The following SEC14L5 variants were observed in gnomAD, a reference collection of about 807,000 sequenced individuals.
SEC14L5 encodes the protein SEC14-like protein 5.
SEC14L5 carries 96 observed loss-of-function variants against 84.6 expected under a neutral mutation model. The observed-to-expected ratio is 1.13, with a 90% CI of 0.96 to 1.34. SEC14L5 has a LOEUF of 1.34. SEC14L5 is among the 40% of genes most tolerant of loss of function. The pLI, the probability that SEC14L5 is intolerant of heterozygous loss-of-function variation, is 0.00. For synonymous variants in SEC14L5, 546 were observed against 383.4 expected, an observed-to-expected ratio of 1.42 and a Z score of -4.95; for missense variants, 1,224 against 942.5, an observed-to-expected ratio of 1.30 and a Z score of -3.91.
At chr16:4,959,860 C>T (rs752658867) in intron 2 of SEC14L5, among the ~76,000 whole-genome samples, 90 of 152,182 alleles carry the variant, frequency 5.9e-4, no homozygotes, top group Non-Finnish European at 7.1e-4. Flanking sequence ...GAAGGGATGA[C>T]ACTAAGTTCT....
chr16:5,000,844 C>T lies in SEC14L5; in HGVS notation c.1060-11C>T, dbSNP rs1429371279. On this transcript the variant is annotated splice_polypyrimidine_tract_variant and intron_variant, in intron 9 of 15. Transcript: ENST00000251170. The stretch of plus-strand genomic sequence containing the variant: ...AGGCGGACGTTGAGCAGCACTGTCT[C>T]TCCCTTCCAGGTTCTCTCCGTCAAC... 1 of 1,599,088 alleles carries T rather than the reference C, an allele frequency of 6.3e-7. No homozygotes were observed. Among genetic ancestry groups the T allele is most frequent in the African/African-American group, 1.3e-5 (1 of 74,754 alleles).
At position 5,008,561 on chromosome 16, in the gene SEC14L5, G is replaced by C; in HGVS notation, c.1713G>C (p.Gly571=). ...GGGAACCGGGGACCAGGGCCAGCGG[G>C]CAGCTGATCGACAAAGGCTGGGTCC... The part of the protein sequence containing the change: ...GAREPGTRAS[G]QLIDKGWVLG... Residue 571 remains glycine, a synonymous_variant, in exon 14 of 16, where the codon GGG becomes GGC. Coordinates refer to ENST00000251170, the MANE Select transcript of SEC14L5 (RefSeq NM_014692.2). 1 of 1,608,444 alleles carries C rather than the reference G, an allele frequency of 6.2e-7. No individual in the cohort carries two copies. Among genetic ancestry groups the C allele is most frequent in the Non-Finnish European group, 8.5e-7 (1 of 1,177,998 alleles).
Position 5,000,955 on chromosome 16 carries a change from C to T in SEC14L5, c.1130+30C>T, listed in dbSNP as rs760606854. ...ACACCTGGGCTGGGCACAAATCCCC[C>T]CTAAACAGCAAAGACGGAGGGTGGA... is the stretch of plus-strand genomic sequence containing the variant. On this transcript the variant is annotated intron_variant, in intron 10 of 15. Coordinates refer to ENST00000251170, the MANE Select transcript of SEC14L5 (RefSeq NM_014692.2). 18 of 1,560,672 alleles carry T rather than the reference C, an allele frequency of 1.2e-5. No homozygotes were observed. The Middle Eastern group carries it at 1.3e-3, about 111-fold the overall frequency.
chr16:4,962,686 C>CAAA (rs761644374), intron 2 of SEC14L5, among the ~76,000 whole-genome samples: 5,320 of 80,590 alleles, frequency 0.066, 282 homozygotes, highest in Admixed American at 0.11. Context: ...AACTCTGTCT[C>CAAA]AAAAAAAAAA....
At chr16:5,004,000 G>A (rs1206007027) in intron 11 of SEC14L5, among the ~76,000 whole-genome samples, 1 of 152,198 alleles carries the variant, frequency 6.6e-6, no homozygotes, top group Non-Finnish European at 1.5e-5. Context: ...ATACACCCAC[G>A]CCCACACACA....
chr16:5,008,355 C>G, intron 13 of SEC14L5, 66 bp from the exon 14 acceptor site: 1 of 1,210,328 alleles, frequency 8.3e-7, no homozygotes, highest in Non-Finnish European at 1.2e-6. Flanking sequence ...CCTCCTGCCA[C>G]TGTGTTCCCC....
At chr16:4,993,756 A>G (rs942299813) in intron 6 of SEC14L5, among the ~76,000 whole-genome samples, 1 of 152,224 alleles carries the variant, frequency 6.6e-6, no homozygotes, top group African/African-American at 2.4e-5. Context: ...AGATTTAACC[A>G]TTAGGCTTCC....
intron 6 of SEC14L5, among the ~76,000 whole-genome samples, chr16:4,994,263 ACT>A (rs1402946578): frequency 1.3e-5 from 2 of 152,146 alleles, no homozygotes; most frequent in Non-Finnish European, 2.9e-5. Flanking sequence ...GACTTCCCTA[ACT>A]CTGACACACT....
intron 10 of SEC14L5, among the ~76,000 whole-genome samples, chr16:5,001,735 C>G (rs1262320989): frequency 6.6e-6 from 1 of 152,102 alleles, no homozygotes; most frequent in East Asian, 1.9e-4. Context: ...CCAAAGGCAG[C>G]AAACCTTTCT....
intron 15 of SEC14L5, among the ~76,000 whole-genome samples, chr16:5,012,675 T>G (rs1023516565): frequency 2.0e-5 from 3 of 152,000 alleles, no homozygotes; most frequent in Non-Finnish European, 4.4e-5. Context: ...GAAGCCGAGG[T>G]GGGTGGATCA....
At chr16:5,003,347 T>G in intron 10 of SEC14L5, 55 bp from the exon 11 acceptor site, 8 of 1,410,224 alleles carry the variant, frequency 5.7e-6, no homozygotes, top group Non-Finnish European at 8.0e-6. Context: ...GGGAGGGTGT[T>G]GGTGGCCTTG....
chr16:4,970,962 G>T (rs925188722), intron 2 of SEC14L5, among the ~76,000 whole-genome samples: 11 of 152,258 alleles, frequency 7.2e-5, no homozygotes, highest in African/African-American at 2.6e-4. Context: ...ACAAAAATTA[G>T]CTGGGCGTGA....
intron 5 of SEC14L5, 140 bp from the exon 6 acceptor site, chr16:4,991,698 G>C: frequency 1.9e-6 from 1 of 526,784 alleles, no homozygotes. Flanking sequence ...TCTCCATCCC[G>C]ACCAGACACA....
At chr16:4,983,024 A>G (rs1381836933) in intron 2 of SEC14L5, among the ~76,000 whole-genome samples, 1 of 152,098 alleles carries the variant, frequency 6.6e-6, no homozygotes, top group East Asian at 1.9e-4. Flanking sequence ...TTATTTTGAG[A>G]TGGAGCCTGG....
At chr16:4,979,548 C>A (rs762152869) in intron 2 of SEC14L5, among the ~76,000 whole-genome samples, 11 of 152,116 alleles carry the variant, frequency 7.2e-5, no homozygotes, top group African/African-American at 1.4e-4. Context: ...CAAATGTGTC[C>A]TTTTGGTACT....
chr16:4,973,572 G>A (rs987938339), intron 2 of SEC14L5, among the ~76,000 whole-genome samples: 20 of 152,212 alleles, frequency 1.3e-4, no homozygotes, highest in African/African-American at 4.8e-4. Flanking sequence ...TGAAAAGGAA[G>A]GAAGCACTGA....
At chr16:4,999,872 T>G (rs1955655949) in intron 8 of SEC14L5, among the ~76,000 whole-genome samples, 1 of 143,942 alleles carries the variant, frequency 6.9e-6, no homozygotes, top group African/African-American at 2.6e-5. Flanking sequence ...CTGAGATTGC[T>G]CCACTGAACT....
chr16:4,994,245 C>T (rs1237097896), intron 6 of SEC14L5, among the ~76,000 whole-genome samples: 1 of 152,198 alleles, frequency 6.6e-6, no homozygotes, highest in African/African-American at 2.4e-5. Context: ...GGGCCACTGC[C>T]GTGCAGGGAC....
At chr16:5,010,835 C>T (rs1475667552) in intron 14 of SEC14L5, 3 of 491,210 alleles carry the variant, frequency 6.1e-6, no homozygotes, top group Non-Finnish European at 1.1e-5. Context: ...CCTCTGTTGT[C>T]CTGAAGTTGC....
Sources: allele counts gnomAD v4.1 joint callset (sites outside exome capture counted in the v4.1 genomes callset), GRCh38; gene constraint gnomAD v4.1.1; transcripts MANE v1.5; gene names NCBI Gene and HGNC (gene_info 2026-07-23, HGNC 2026-07-21).